The following CDH20 variants were observed in gnomAD, a reference collection of about 807,000 sequenced individuals.
CDH20 encodes cadherin-20.
Under a neutral mutation model 74.2 loss-of-function variants are expected in CDH20, and 29 were observed. That is an observed-to-expected ratio of 0.39 (90% CI 0.29 to 0.53). The LOEUF is 0.53. CDH20 is among the 20% of genes least tolerant of loss of function. CDH20 has a pLI of 0.69. For missense variants in CDH20, 988 were observed against 1,048.3 expected (o/e 0.94, Z 0.79); for synonymous variants, 469 against 405.4 (o/e 1.16, Z -1.88).
At chr18:61,360,973 A>G (rs1350141715) in intron 1 of CDH20, among the ~76,000 whole-genome samples, 3 of 152,246 alleles carry the variant, frequency 2.0e-5, no homozygotes, top group African/African-American at 7.2e-5. Context: ...TTTATGCCTC[A>G]GTATTTTGAA....
At chr18:61,470,273 T>C (rs1049574966) in intron 1 of CDH20, among the ~76,000 whole-genome samples, 9 of 152,246 alleles carry the variant, frequency 5.9e-5, no homozygotes, top group Non-Finnish European at 1.2e-4. Context: ...CCGTGACTGT[T>C]TGCAACAAGA....
intron 1 of CDH20, among the ~76,000 whole-genome samples, chr18:61,407,982 G>A (rs980292065): frequency 6.6e-6 from 1 of 152,138 alleles, no homozygotes; most frequent in Non-Finnish European, 1.5e-5. Context: ...TTCCAAAATT[G>A]GTTATATATG....
intron 1 of CDH20, among the ~76,000 whole-genome samples, chr18:61,367,297 C>A (rs1183389998): frequency 6.6e-6 from 1 of 152,108 alleles, no homozygotes; most frequent in Non-Finnish European, 1.5e-5. Context: ...ATGAAACCAG[C>A]ACGAAAGGAA....
At chr18:61,483,376 G>A (rs1395338733) in intron 1 of CDH20, among the ~76,000 whole-genome samples, 1 of 152,192 alleles carries the variant, frequency 6.6e-6, no homozygotes, top group Non-Finnish European at 1.5e-5. Flanking sequence ...TCCGGTGAAA[G>A]GTGATAGGAG....
In CDH20 at chr18:61,547,582, T is replaced by C. The variant is rs114281345; in HGVS notation, c.1649-2396T>C. Reference sequence around the variant, plus strand: ...ATTCTGTGAGGCTTTAAGGAAGTTATTAATCCCTCTGATTCTTATTGTCCC... The same window carrying C: ...ATTCTGTGAGGCTTTAAGGAAGTTACTAATCCCTCTGATTCTTATTGTCCC... On this transcript the variant is annotated intron_variant, in intron 10 of 11. Transcript: ENST00000262717. Among the ~76,000 whole-genome samples the C allele has an allele frequency of 4.5e-3, 685 of 152,332 alleles. 10 individuals are homozygous for C. Among genetic ancestry groups the C allele is most frequent in the African/African-American group, 0.016 (656 of 41,566 alleles).
At chr18:61,347,300 A>ATC (rs35860081) in intron 1 of CDH20, among the ~76,000 whole-genome samples, 1 of 77,440 alleles carries the variant, frequency 1.3e-5, no homozygotes, top group Non-Finnish European at 2.5e-5. Flanking sequence ...ATATATATAT[A>ATC]TATATATATA....
chr18:61,546,096 T>G (rs1236136022), intron 10 of CDH20, among the ~76,000 whole-genome samples: 1 of 152,214 alleles, frequency 6.6e-6, no homozygotes, highest in African/African-American at 2.4e-5. Context: ...TTAACTCTGC[T>G]GCCAGCTAGC....
chr18:61,389,139 C>T (rs760208737), intron 1 of CDH20, among the ~76,000 whole-genome samples: 16 of 152,268 alleles, frequency 1.1e-4, no homozygotes, highest in South Asian at 2.1e-4. Flanking sequence ...TCTCTACTTT[C>T]GTCTGAGGAG....
At chr18:61,346,462 A>G (rs1028715696) in intron 1 of CDH20, among the ~76,000 whole-genome samples, 89 of 152,250 alleles carry the variant, frequency 5.8e-4, no homozygotes, top group African/African-American at 2.1e-3. Flanking sequence ...ACATTGAACA[A>G]TAAACAATTT....
At chr18:61,523,973 A>C (rs556546419) in intron 6 of CDH20, among the ~76,000 whole-genome samples, 2 of 152,130 alleles carry the variant, frequency 1.3e-5, no homozygotes, top group Non-Finnish European at 2.9e-5. Context: ...TGACGAGTTG[A>C]TAGGTGCAGC....
chr18:61,381,348 C>T (rs978861252), intron 1 of CDH20, among the ~76,000 whole-genome samples: 1 of 152,194 alleles, frequency 6.6e-6, no homozygotes, highest in Non-Finnish European at 1.5e-5. Context: ...TGGGTACTCA[C>T]TGAAAGAATC....
chr18:61,554,169 T>A (rs751336505), intron 11 of CDH20, 21 bp from the exon 12 acceptor site: 3 of 1,596,164 alleles, frequency 1.9e-6, no homozygotes, highest in East Asian at 2.2e-5. Flanking sequence ...GTAAACACAC[T>A]CTCCTTTTTG....
chr18:61,390,185 C>T (rs1361810082), intron 1 of CDH20, among the ~76,000 whole-genome samples: 1 of 151,698 alleles, frequency 6.6e-6, no homozygotes, highest in Non-Finnish European at 1.5e-5. Flanking sequence ...TCCCAGTACT[C>T]GAAACAGCAC....
At chr18:61,547,678 G>A (rs531105332) in intron 10 of CDH20, among the ~76,000 whole-genome samples, 1 of 152,212 alleles carries the variant, frequency 6.6e-6, no homozygotes, top group South Asian at 2.1e-4. Flanking sequence ...CATTAAAACT[G>A]GGATTAGAAA....
At chr18:61,510,609 C>CAATCACAGCAAAGGAACAG (rs1911743862) in intron 6 of CDH20, among the ~76,000 whole-genome samples, 1 of 152,150 alleles carries the variant, frequency 6.6e-6, no homozygotes, top group Admixed American at 6.5e-5. Flanking sequence ...AAGATGCAAT[C>CAATCACAGCAAAGGAACAG]AATCACAGCA....
chr18:61,538,602 G>GTTTTTTTTTTTTTTT (rs1227502362), intron 8 of CDH20, among the ~76,000 whole-genome samples: 1 of 50,450 alleles, frequency 2.0e-5, no homozygotes, highest in Non-Finnish European at 3.8e-5. Context: ...GTTTGTTTTT[G>GTTTTTTTTTTTTTTT]TTTTTGTTTT....
At chr18:61,418,357 A>G (rs998515689) in intron 1 of CDH20, among the ~76,000 whole-genome samples, 1 of 152,032 alleles carries the variant, frequency 6.6e-6, no homozygotes, top group Admixed American at 6.6e-5. Context: ...GATCGAGACC[A>G]TACTGGCTAA....
At chr18:61,549,783 C>T in intron 10 of CDH20, 195 bp from the exon 11 acceptor site, 1 of 599,808 alleles carries the variant, frequency 1.7e-6, no homozygotes. Context: ...CAGGGTTTTG[C>T]CTAAAAGCAA....
At chr18:61,554,151 T>A (rs775290762) in intron 11 of CDH20, 39 bp from the exon 12 acceptor site, 2 of 1,578,476 alleles carry the variant, frequency 1.3e-6, no homozygotes, top group East Asian at 4.5e-5. Flanking sequence ...CACAGCCACA[T>A]CTCCTCGGTA....
Sources: gnomAD v4.1 joint callset for allele counts (sites outside exome capture counted in the v4.1 genomes callset) on GRCh38, gnomAD v4.1.1 for gene constraint, MANE v1.5 for transcripts, NCBI Gene and HGNC (gene_info 2026-07-23, HGNC 2026-07-21) for gene names.